The following TUBAL3 variants were observed in gnomAD, a reference collection of about 807,000 sequenced individuals.
TUBAL3 encodes the protein tubulin alpha like 3.
Under a neutral mutation model 15.5 loss-of-function variants are expected in TUBAL3, and 16 were observed. The ratio of observed to expected loss-of-function variants is 1.04; its 90% CI spans 0.70 to 1.57. The LOEUF (loss-of-function observed/expected upper bound fraction) is 1.57. Among genes scored for constraint, TUBAL3 ranks in the 40% most tolerant of loss-of-function variants. TUBAL3 has a pLI of 0.00. For missense variants in TUBAL3, 609 were observed against 576.2 expected (o/e 1.06, Z -0.58); for synonymous variants, 238 against 224.3 (o/e 1.06, Z -0.55).
In TUBAL3 at chr10:5,404,820, T is replaced by C. The variant is rs782695794; in HGVS notation, c.-28A>G. On this transcript the variant is annotated 5_prime_UTR_variant, in exon 1 of 4. Coordinates refer to ENST00000380419, the MANE Select transcript of TUBAL3 (RefSeq NM_024803.3). ...TGATGAGAACGTGCCCTTCCTGCCC[T>C]GTAGTAATGACTGAGGAGCCTCCCA... The C allele has an allele frequency of 6.2e-7, 1 of 1,612,972 alleles. No homozygotes were observed. The highest frequency in any genetic ancestry group is 8.5e-7 in the Non-Finnish European group (1 of 1,179,236).
chr10:5,401,183 C>G, intron 1 of TUBAL3, 96 bp from the exon 2 acceptor site: 1 of 1,490,890 alleles, frequency 6.7e-7, no homozygotes, highest in Non-Finnish European at 9.1e-7. Context: ...AGAAACCAAG[C>G]TAGCTTAAGG....
At chr10:5,401,160 G>A (rs142200507) in intron 1 of TUBAL3, 73 bp from the exon 2 acceptor site, 8 of 1,569,312 alleles carry the variant, frequency 5.1e-6, no homozygotes, top group Non-Finnish European at 6.0e-6. Context: ...CAGCCCTTCT[G>A]GTTACAAATG....
chr10:5,397,651 C>A lies in TUBAL3; in HGVS notation c.248-2176G>T, dbSNP rs1213380268. ...AGGGGCTTTACTACCCAGCATGGTG[C>A]CCTTAATCAATATCCTCAGAGACAT... is the stretch of plus-strand genomic sequence containing the variant. On this transcript the variant is annotated intron_variant, in intron 2 of 3. Transcript: ENST00000380419. The surrounding 1 kb of genome is among the most constrained non-coding windows in gnomAD (Gnocchi z 4.9). Among the ~76,000 whole-genome samples the A allele has an allele frequency of 6.6e-6, 1 of 152,142 alleles. No individual in the cohort carries two copies. Among genetic ancestry groups the A allele is most frequent in the Non-Finnish European group, 1.5e-5 (1 of 68,030 alleles).
Position 5,395,575 on chromosome 10 carries a change from G to C in TUBAL3, c.248-100C>G, listed in dbSNP as rs1831752359. 3 of 1,242,004 alleles carry C rather than the reference G, an allele frequency of 2.4e-6. No individual in the cohort carries two copies. In the African/African-American group the frequency reaches 4.6e-5, roughly 19 times the overall value. 76.9% of individuals were successfully genotyped at this position (1,242,004 alleles called of 1,614,324 possible). A position where few individuals can be genotyped will look rare whatever the true frequency, so the allele number is the denominator to read the frequency against. On this transcript the variant is annotated intron_variant, in intron 2 of 3. Transcript: ENST00000380419. This position sits in a 1 kb window ranked among gnomAD's most constrained non-coding sequence, Gnocchi z 4.6. ...GAGCCTCCCCGTACTTGACTCCCAT[G>C]CTTTCTCTCAATATTGTGGTCCAGG...
rs1270349653 is a variant in TUBAL3 at position 5,393,518 on chromosome 10, C to G, written c.1340G>C (p.Ter447SerextTer8). 2 of 1,597,962 alleles carry G rather than the reference C, an allele frequency of 1.3e-6. No individual in the cohort carries two copies. The highest frequency in any genetic ancestry group is 1.1e-5 in the South Asian group (1 of 87,920). Residue 447 changes from the stop codon to serine, a stop_lost, in exon 4 of 4, where the codon TGA becomes TCA. Coordinates refer to ENST00000380419, the MANE Select transcript of TUBAL3 (RefSeq NM_024803.3). Reference sequence around the variant, plus strand: ...TCATTTGCACCCATCATACATGCCTCAGAAACTTTGCGCCACTTCCTCATA... The same window carrying G: ...TCATTTGCACCCATCATACATGCCTGAGAAACTTTGCGCCACTTCCTCATA... ...RDYEEVAQSF* is the reference protein window; with the variant it reads ...RDYEEVAQSFS
rs1319146343 is a variant in TUBAL3, at chr10:5,394,800, C to G, written c.397-339G>C. 2.0e-5 allele frequency among the ~76,000 whole-genome samples: 3 copies of G among 152,158 alleles called. No homozygotes were observed. Among genetic ancestry groups the G allele is most frequent in the African/African-American group, 7.2e-5 (3 of 41,436 alleles). ...CACTGAAGCAAAATAACATTCCCCCCACGTCTATGCTCCATCTGGCATGCT... is the reference window on the plus strand; with the variant it reads ...CACTGAAGCAAAATAACATTCCCCCGACGTCTATGCTCCATCTGGCATGCT... On this transcript the variant is annotated intron_variant, in intron 3 of 3. Coordinates refer to ENST00000380419, the MANE Select transcript of TUBAL3 (RefSeq NM_024803.3). This position sits in a 1 kb window ranked among gnomAD's most constrained non-coding sequence, Gnocchi z 4.3.
At chr10:5,402,334 G>A (rs7476136) in intron 1 of TUBAL3, among the ~76,000 whole-genome samples, 12,816 of 152,232 alleles carry the variant, frequency 0.084, 711 homozygotes, top group South Asian at 0.17. Flanking sequence ...TAAGAAATCT[G>A]AGGTGATAGC....
intron 1 of TUBAL3, 140 bp downstream of exon 1, chr10:5,404,650 G>T: frequency 3.6e-6 from 3 of 842,184 alleles, no homozygotes; most frequent in Non-Finnish European, 5.7e-6. Flanking sequence ...CATCTACTTG[G>T]ACATTGAAAG....
rs1554813709 is a variant in TUBAL3 at position 5,393,631 on chromosome 10, T to C, written c.1227A>G (p.Arg409=). 6.2e-7 allele frequency: 1 copy of C among 1,614,138 alleles called. No individual in the cohort carries two copies. Among genetic ancestry groups the C allele is most frequent in the Non-Finnish European group, 8.5e-7 (1 of 1,180,036 alleles). Residue 409 remains arginine (R), a synonymous_variant, in exon 4 of 4, where the codon AGA becomes AGG. Coordinates refer to ENST00000380419, the MANE Select transcript of TUBAL3 (RefSeq NM_024803.3). ...DHKFDLMYAK[R]AFLHWYLREG... is the part of the protein sequence containing the mutation. ...CTCTGAGGTACCAGTGCAGAAATGCTCTCTTGGCGTACATGAGGTCAAACT... is the reference window on the plus strand; with the variant it reads ...CTCTGAGGTACCAGTGCAGAAATGCCCTCTTGGCGTACATGAGGTCAAACT...
At chr10:5,403,429 TTC>T (rs1171947031) in intron 1 of TUBAL3, among the ~76,000 whole-genome samples, 3 of 152,160 alleles carry the variant, frequency 2.0e-5, no homozygotes, top group Non-Finnish European at 4.4e-5. Flanking sequence ...ACATGTAGAT[TTC>T]TCTGTCTTCT....
rs1358538900 is a variant in TUBAL3, at chr10:5,394,744, G to A, written c.397-283C>T. 6.6e-6 allele frequency among the ~76,000 whole-genome samples: 1 copy of A among 152,096 alleles called. No homozygotes were observed. The highest frequency in any genetic ancestry group is 1.5e-5 in the Non-Finnish European group (1 of 68,028). Reference sequence around the variant, plus strand: ...TTATCGGTATGTGATCGCAAACAAGGCCTTCATCAATAACAAAGAAAATGA... The same window carrying A: ...TTATCGGTATGTGATCGCAAACAAGACCTTCATCAATAACAAAGAAAATGA... On this transcript the variant is annotated intron_variant, in intron 3 of 3. Coordinates refer to ENST00000380419, the MANE Select transcript of TUBAL3 (RefSeq NM_024803.3). The surrounding 1 kb of genome is among the most constrained non-coding windows in gnomAD (Gnocchi z 4.3).
chr10:5,402,442 A>C (rs1457166252), intron 1 of TUBAL3, among the ~76,000 whole-genome samples: 1 of 152,210 alleles, frequency 6.6e-6, no homozygotes, highest in African/African-American at 2.4e-5. Context: ...TGTCTTCTGC[A>C]TCATCAGGAC....
In TUBAL3 at chr10:5,394,601, A is replaced by G. The variant is rs1368829627; in HGVS notation, c.397-140T>C. ...CTCCTTTGCCTTTGTTAACTCCACA[A>G]CAAACATAGCTACTTTGAAATACTC... On this transcript the variant is annotated intron_variant, in intron 3 of 3. Transcript: ENST00000380419. This position sits in a 1 kb window ranked among gnomAD's most constrained non-coding sequence, Gnocchi z 4.3. 6 of 712,794 alleles carry G rather than the reference A, an allele frequency of 8.4e-6. No homozygotes were observed. Among genetic ancestry groups the G allele is most frequent in the Non-Finnish European group, 1.4e-5 (6 of 441,678 alleles). The allele number at this position is 712,794 out of a possible 1,614,324, so 44.2% of individuals were successfully genotyped here.
In TUBAL3 at chr10:5,394,063, G is replaced by A; in HGVS notation, c.795C>T (p.Asn265=). The A allele has an allele frequency of 6.2e-7, 1 of 1,614,218 alleles. No individual in the cohort carries two copies. Among genetic ancestry groups the A allele is most frequent in the Non-Finnish European group, 8.5e-7 (1 of 1,180,038 alleles). The part of the protein sequence containing the change: ...LNVDLIEFQT[N]LVPYPRIHFP... ...AATGTATTCTCGGATAAGGTACCAG[G>A]TTGGTCTGGAATTCAATTAGGTCTA... Residue 265 remains asparagine (N), a synonymous_variant, in exon 4 of 4, where the codon AAC becomes AAT. Transcript: ENST00000380419. The surrounding 1 kb of genome is among the most constrained non-coding windows in gnomAD (Gnocchi z 4.3).
chr10:5,398,563 C>T (rs782614059), intron 2 of TUBAL3, among the ~76,000 whole-genome samples: 19 of 152,106 alleles, frequency 1.2e-4, no homozygotes, highest in Non-Finnish European at 2.1e-4. Flanking sequence ...TGCACTCCAG[C>T]CTGGGTGACA....
chr10:5,394,275 C>T lies in TUBAL3; in HGVS notation c.583G>A (p.Val195Ile). The T allele has an allele frequency of 1.2e-6, 2 of 1,614,116 alleles. No individual in the cohort carries two copies. Among genetic ancestry groups the T allele is most frequent in the South Asian group, 1.1e-5 (1 of 91,078 alleles). The change falls in exon 4 of 4, where the codon GTC becomes ATC. Residue 195 changes from valine (V) to isoleucine (I), a missense_variant. Physicochemically the swap from Val to Ile is conservative, Grantham distance 29 (BLOSUM62 3). Coordinates refer to ENST00000380419, the MANE Select transcript of TUBAL3 (RefSeq NM_024803.3). The surrounding 1 kb of genome is among the most constrained non-coding windows in gnomAD (Gnocchi z 4.3). ...STAVVEPYNS[V>I]LTTHSTTEHT... Reference sequence around the variant, plus strand: ...TCTGTGGTGGAGTGGGTGGTGAGGACAGAGTTATAAGGCTCTACCACAGCA... The same window carrying T: ...TCTGTGGTGGAGTGGGTGGTGAGGATAGAGTTATAAGGCTCTACCACAGCA...
In TUBAL3 at chr10:5,395,304, G is replaced by T; in HGVS notation, c.396+23C>A. 6.7e-7 allele frequency: 1 copy of T among 1,483,596 alleles called. No homozygotes were observed. The highest frequency in any genetic ancestry group is 1.4e-5 in the South Asian group (1 of 73,454). The allele number at this position is 1,483,596 out of a possible 1,614,324, so 91.9% of individuals were successfully genotyped here. A position where few individuals can be genotyped will look rare whatever the true frequency, so the allele number is the denominator to read the frequency against. ...CACATGCCCCAGGCACAGCCCACTC[G>T]GAGGAGAGGGGGAGCCACTTGCCAG... On this transcript the variant is annotated intron_variant, in intron 3 of 3. Transcript: ENST00000380419. The surrounding 1 kb of genome is among the most constrained non-coding windows in gnomAD (Gnocchi z 4.6).
At position 5,394,455 on chromosome 10, in the gene TUBAL3, G is replaced by C; in HGVS notation, c.403C>G (p.Gln135Glu). The C allele has an allele frequency of 6.3e-7, 1 of 1,593,508 alleles. No individual in the cohort carries two copies. The highest frequency in any genetic ancestry group is 1.1e-5 in the South Asian group (1 of 87,412). ...AAAAATCCCTGAAGTCCACCACACT[G>C]TTCTGCCTGGAGAAAGTAAATGAGA... ...VLERTRKLAE[Q>E]CGGLQGFLIF... The change falls in exon 4 of 4, where the codon CAG becomes GAG. Residue 135 changes from glutamine (Q) to glutamate (E), a missense_variant. Transcript: ENST00000380419. The surrounding 1 kb of genome is among the most constrained non-coding windows in gnomAD (Gnocchi z 4.3).
At position 5,395,606 on chromosome 10, in the gene TUBAL3, AATTTAG is replaced by A; in HGVS notation, c.248-137_248-132del. 9.6e-7 allele frequency: 1 copy of A among 1,037,646 alleles called. No homozygotes were observed. Among genetic ancestry groups the A allele is most frequent in the Non-Finnish European group, 1.3e-6 (1 of 764,204 alleles). 64.3% of individuals were successfully genotyped at this position (1,037,646 alleles called of 1,614,324 possible). A position where few individuals can be genotyped will look rare whatever the true frequency, so the allele number is the denominator to read the frequency against. ...TCTCAATATTGTGGTCCAGGAATGG[AATTTAG>A]ATAGTGCTGAATTAGCCCGTCTTAG... is the stretch of plus-strand genomic sequence containing the variant. On this transcript the variant is annotated intron_variant, in intron 2 of 3. Coordinates refer to ENST00000380419, the MANE Select transcript of TUBAL3 (RefSeq NM_024803.3). This position sits in a 1 kb window ranked among gnomAD's most constrained non-coding sequence, Gnocchi z 4.6.
Sources: gnomAD v4.1 joint callset for allele counts (sites outside exome capture counted in the v4.1 genomes callset) on GRCh38, gnomAD v4.1.1 for gene constraint, Gnocchi (gnomAD v3.1) non-coding constraint, MANE v1.5 for transcripts, NCBI Gene and HGNC (gene_info 2026-07-23, HGNC 2026-07-21) for gene names.